Variants in TIPRL observed in about 807,000 individuals in gnomAD.
TIPRL encodes the protein TIP41-like protein.
In TIPRL, 10 loss-of-function variants were observed where a neutral mutation model predicts 32.3. The ratio of observed to expected loss-of-function variants is 0.31; its 90% confidence interval spans 0.19 to 0.52. The LOEUF (loss-of-function observed/expected upper bound fraction) is 0.52, where lower values mean the gene tolerates loss of function less well. TIPRL is among the 20% of genes least tolerant of loss of function. TIPRL has a pLI of 0.96. For synonymous variants in TIPRL, 100 were observed against 114.0 expected, an observed-to-expected ratio of 0.88 and a Z score of 0.78; for missense variants, 250 against 328.1, an observed-to-expected ratio of 0.76 and a Z score of 1.84.
chr1:168,180,369 G>A (rs1699944855), intron 1 of TIPRL, among the ~76,000 whole-genome samples: 2 of 152,144 alleles, frequency 1.3e-5, no homozygotes. Context: ...TAGAGGATGA[G>A]TTTAGTTTAT....
intron 1 of TIPRL, 111 bp downstream of exon 1, chr1:168,179,292 C>G (rs1288965912): frequency 1.1e-6 from 1 of 871,586 alleles, no homozygotes; most frequent in Non-Finnish European, 1.8e-6. Context: ...GAGGTTCGGT[C>G]CCTCCGGACC....
At chr1:168,189,889 T>G (rs1401947678) in intron 3 of TIPRL, among the ~76,000 whole-genome samples, 2 of 152,214 alleles carry the variant, frequency 1.3e-5, no homozygotes, top group South Asian at 4.1e-4. Context: ...ACTGACAGAT[T>G]CATTTTGACC....
At chr1:168,190,136 A>C (rs1011229977) in intron 3 of TIPRL, among the ~76,000 whole-genome samples, 2 of 152,142 alleles carry the variant, frequency 1.3e-5, no homozygotes, top group African/African-American at 4.8e-5. Context: ...TTGTTTAACT[A>C]GATCATAAAC....
At chr1:168,183,113 A>G (rs1269168421) in intron 1 of TIPRL, among the ~76,000 whole-genome samples, 1 of 152,038 alleles carries the variant, frequency 6.6e-6, no homozygotes, top group African/African-American at 2.4e-5. Context: ...TATCATAAGC[A>G]TTTTTTCATA....
Position 168,199,637 on chromosome 1 carries a change from A to G in TIPRL, c.676-266A>G, listed in dbSNP as rs76071426. Reference sequence around the variant, plus strand: ...TTCAAGTTACAAAAGCAGGAGATACATAGGGTTGGATTAAGATGTATTAAA... The same window carrying G: ...TTCAAGTTACAAAAGCAGGAGATACGTAGGGTTGGATTAAGATGTATTAAA... On this transcript the variant is annotated intron_variant, in intron 6 of 6. Transcript: ENST00000367833. Among the ~76,000 whole-genome samples the G allele has an allele frequency of 2.1e-3, 321 of 152,318 alleles. 6 individuals carry two copies. In the East Asian group the frequency reaches 0.054, roughly 26 times the overall value.
chr1:168,188,003 A>G (rs550500046), intron 3 of TIPRL, among the ~76,000 whole-genome samples: 23 of 152,164 alleles, frequency 1.5e-4, no homozygotes, highest in South Asian at 4.1e-4. Flanking sequence ...TAAGATCTCA[A>G]TAAATGGCAG....
intron 3 of TIPRL, among the ~76,000 whole-genome samples, chr1:168,189,292 T>G (rs1700064587): frequency 6.6e-6 from 1 of 152,230 alleles, no homozygotes; most frequent in Admixed American, 6.5e-5. Flanking sequence ...CTTTTTAAAT[T>G]GTCTTCATCA....
At chr1:168,183,058 A>T (rs1318199115) in intron 1 of TIPRL, among the ~76,000 whole-genome samples, 1 of 152,196 alleles carries the variant, frequency 6.6e-6, no homozygotes, top group East Asian at 1.9e-4. Flanking sequence ...ACACGTTTAG[A>T]TGTAATAAAT....
At chr1:168,199,063 C>A in intron 6 of TIPRL, 82 bp downstream of exon 6, 2 of 1,071,360 alleles carry the variant, frequency 1.9e-6, no homozygotes, top group Non-Finnish European at 1.4e-6. Context: ...TGACCCCAAC[C>A]ACCCAAGTTT....
intron 6 of TIPRL, 86 bp downstream of exon 6, chr1:168,199,067 C>G (rs1462255161): frequency 2.0e-6 from 2 of 990,724 alleles, no homozygotes; most frequent in East Asian, 5.2e-5. Flanking sequence ...CCCAACCACC[C>G]AAGTTTACAT....
chr1:168,191,700 G>A (rs563488916), intron 4 of TIPRL, among the ~76,000 whole-genome samples, 200 bp downstream of exon 4: 5 of 151,736 alleles, frequency 3.3e-5, no homozygotes, highest in East Asian at 3.9e-4. Context: ...GTGAAACCCC[G>A]TCTCTACTAA....
In TIPRL at chr1:168,185,880, G is replaced by A. The variant is rs143503011; in HGVS notation, c.384+1002G>A. Among the ~76,000 whole-genome samples the A allele has an allele frequency of 1.0e-3, 152 of 150,588 alleles. 1 individual carries two copies. The highest frequency in any genetic ancestry group is 1.6e-3 in the Non-Finnish European group (109 of 67,680). On this transcript the variant is annotated intron_variant, in intron 3 of 6. Transcript: ENST00000367833. ...TCATGAAGTCAGGAGTTCAACACCAGCCTGGTCAACATGGTGAAACCCCAT... is the reference window on the plus strand; with the variant it reads ...TCATGAAGTCAGGAGTTCAACACCAACCTGGTCAACATGGTGAAACCCCAT...
intron 4 of TIPRL, among the ~76,000 whole-genome samples, chr1:168,192,670 G>A (rs1421332325): frequency 6.6e-6 from 1 of 152,168 alleles, no homozygotes; most frequent in Admixed American, 6.5e-5. Context: ...AGGCCGAGGC[G>A]GGCGGATCAC....
intron 4 of TIPRL, chr1:168,192,226 T>A: frequency 6.8e-7 from 1 of 1,471,126 alleles, no homozygotes; most frequent in Middle Eastern, 1.8e-4. Flanking sequence ...CGGGCACCTG[T>A]AGTCCCAGCT....
At chr1:168,186,102 AAG>A (rs1558163011) in intron 3 of TIPRL, among the ~76,000 whole-genome samples, 6 of 146,190 alleles carry the variant, frequency 4.1e-5, no homozygotes, top group South Asian at 4.2e-4. Flanking sequence ...AAAAAAAAAA[AAG>A]AGAGAGATTC....
At position 168,179,030 on chromosome 1, in the gene TIPRL, C is replaced by T. The variant is rs775569915; in HGVS notation, c.-48C>T. The T allele has an allele frequency of 2.6e-6, 4 of 1,533,962 alleles. No individual in the cohort carries two copies. The highest frequency in any genetic ancestry group is 1.4e-5 in the African/African-American group (1 of 72,736). On this transcript the variant is annotated 5_prime_UTR_variant, in exon 1 of 7. Transcript: ENST00000367833. The stretch of plus-strand genomic sequence containing the variant: ...CGGAGGAACCGGTGTTCGCCGCCGC[C>T]GCTGCTTCAGCTTATTCCTTGTGGC...
rs183499931 is a variant in TIPRL at position 168,194,545 on chromosome 1, C to A, written c.517-2002C>A. Among the ~76,000 whole-genome samples, 17 of 152,274 alleles carry A rather than the reference C, an allele frequency of 1.1e-4. No individual in the cohort carries two copies. In the East Asian group the frequency reaches 2.5e-3, roughly 22 times the overall value. ...AATTTTGAAATTTGAAGAAATGTTG[C>A]AAGTCAGTTTTTCCATAAATTACAC... On this transcript the variant is annotated intron_variant, in intron 4 of 6. Transcript: ENST00000367833.
At position 168,179,196 on chromosome 1, in the gene TIPRL, C is replaced by A. The variant is rs751242252; in HGVS notation, c.104+15C>A. Reference sequence around the variant, plus strand: ...GATGTGGAGAAGTGAGGCTTCGGGGCACGGGGTCTGGGCGCTGGCCGGTTG... The same window carrying A: ...GATGTGGAGAAGTGAGGCTTCGGGGAACGGGGTCTGGGCGCTGGCCGGTTG... On this transcript the variant is annotated intron_variant, in intron 1 of 6. Coordinates refer to ENST00000367833, the MANE Select transcript of TIPRL (RefSeq NM_152902.5). The A allele has an allele frequency of 8.1e-6, 13 of 1,612,292 alleles. No homozygotes were observed. Among genetic ancestry groups the A allele is most frequent in the Non-Finnish European group, 1.1e-5 (13 of 1,178,692 alleles).
At chr1:168,186,864 G>A (rs1297771735) in intron 3 of TIPRL, among the ~76,000 whole-genome samples, 1 of 152,178 alleles carries the variant, frequency 6.6e-6, no homozygotes, top group Non-Finnish European at 1.5e-5. Flanking sequence ...ATATGTTGGT[G>A]CTTAGGCAGA....
Sources: gnomAD v4.1 joint callset for allele counts (sites outside exome capture counted in the v4.1 genomes callset) on GRCh38, gnomAD v4.1.1 for gene constraint, MANE v1.5 for transcripts, NCBI Gene and HGNC (gene_info 2026-07-23, HGNC 2026-07-21) for gene names.